The following TENM1 variants were observed in gnomAD, a reference collection of about 807,000 sequenced individuals.
TENM1 encodes teneurin-1.
TENM1 carries 35 observed loss-of-function variants against 174.8 expected under a neutral mutation model. The observed-to-expected ratio is 0.20, with a 90% CI of 0.15 to 0.27. The LOEUF is 0.27. TENM1 is among the 10% of genes least tolerant of loss of function. The pLI is 1.00. For synonymous variants in TENM1, 781 were observed against 798.7 expected (o/e 0.98, Z 0.37); for missense variants, 1,633 against 2,130.1 (o/e 0.77, Z 4.59).
chrX:124,422,768 G>T, intron 23 of TENM1, 130 bp from the exon 27 acceptor site: 1 of 608,827 alleles, frequency 1.6e-6, no homozygotes, highest in Non-Finnish European at 2.5e-6. Flanking sequence ...CATTGGTGAT[G>T]TCTCGGAAAG....
At chrX:124,545,321 G>C (rs1248094465) in intron 15 of TENM1, among the ~76,000 whole-genome samples, 1 of 112,191 alleles carries the variant, frequency 8.9e-6, no homozygotes, top group Non-Finnish European at 1.9e-5. Context: ...CGGCTGGCAA[G>C]TGCTGCTGAT....
chrX:124,623,014 G>C (rs757140057), intron 11 of TENM1, among the ~76,000 whole-genome samples: 2 of 111,691 alleles, frequency 1.8e-5, no homozygotes, highest in Non-Finnish European at 3.8e-5. Context: ...TAAGTGTTCA[G>C]TGTGCATATA....
chrX:124,733,765 G>A (rs772964784), intron 4 of TENM1, among the ~76,000 whole-genome samples: 9 of 112,294 alleles, frequency 8.0e-5, no homozygotes, highest in South Asian at 7.5e-4. Context: ...TCTTCTCTGC[G>A]TCTTAAGAAA....
intron 5 of TENM1, among the ~76,000 whole-genome samples, chrX:124,679,086 G>A (rs2052164930): frequency 8.9e-6 from 1 of 112,058 alleles, no homozygotes. Flanking sequence ...TTTGTTGCAA[G>A]AATTTTGGGT....
the TENM1 span, among the ~76,000 whole-genome samples, chrX:125,079,097 TATCA>T: frequency 8.9e-6 from 1 of 111,886 alleles, no homozygotes; most frequent in East Asian, 2.8e-4. Flanking sequence ...CTGCCTCTCA[TATCA>T]ATCAATCAAG....
intron 23 of TENM1, among the ~76,000 whole-genome samples, chrX:124,444,999 G>A (rs914934739): frequency 9.0e-6 from 1 of 111,190 alleles, no homozygotes; most frequent in Non-Finnish European, 1.9e-5. Flanking sequence ...TTGGTTGTGC[G>A]GCCTTAACCA....
At chrX:124,402,564 C>T (rs2060412121) in intron 27 of TENM1, among the ~76,000 whole-genome samples, 1 of 112,346 alleles carries the variant, frequency 8.9e-6, no homozygotes, top group African/African-American at 3.2e-5. Flanking sequence ...GTGTAAATTA[C>T]AGTTTATAGT....
intron 1 of TENM1, among the ~76,000 whole-genome samples, chrX:124,933,636 T>C (rs1171897509): frequency 8.9e-6 from 1 of 112,222 alleles, no homozygotes; most frequent in Non-Finnish European, 1.9e-5. Context: ...AAAATGTGCA[T>C]AAAACAAATT....
the TENM1 span, among the ~76,000 whole-genome samples, chrX:125,128,528 A>T: frequency 3.6e-5 from 4 of 111,608 alleles, no homozygotes; most frequent in Admixed American, 3.8e-4. Flanking sequence ...ATGTGACTAA[A>T]TTCTTGCTAA....
At chrX:124,428,878 T>C (rs144661253) in intron 23 of TENM1, among the ~76,000 whole-genome samples, 25 of 111,893 alleles carry the variant, frequency 2.2e-4, no homozygotes, top group African/African-American at 7.8e-4. Flanking sequence ...ACCTGCACTA[T>C]TATTGACTTA....
chrX:124,759,150 G>A (rs774435712), intron 3 of TENM1, among the ~76,000 whole-genome samples: 31 of 111,081 alleles, frequency 2.8e-4, no homozygotes, highest in African/African-American at 9.1e-4. Context: ...ATCACATGGC[G>A]ATAGTGTGAT....
intron 5 of TENM1, among the ~76,000 whole-genome samples, chrX:124,680,177 A>T (rs893528850): frequency 9.0e-6 from 1 of 111,701 alleles, no homozygotes; most frequent in African/African-American, 3.2e-5. Flanking sequence ...ATAACAGAGC[A>T]ATGAGGACAC....
At chrX:124,788,405 C>T (rs1175093428) in intron 3 of TENM1, among the ~76,000 whole-genome samples, 1 of 111,575 alleles carries the variant, frequency 9.0e-6, no homozygotes. Context: ...CATGCCTTCC[C>T]AACAGTCCCC....
intron 23 of TENM1, among the ~76,000 whole-genome samples, chrX:124,451,136 AAGTC>A (rs2061031048): frequency 8.9e-6 from 1 of 111,820 alleles, no homozygotes; most frequent in African/African-American, 3.3e-5. Flanking sequence ...CAGACTAAAA[AAGTC>A]AGACACTGAA....
chrX:125,124,329 T>C, the TENM1 span, among the ~76,000 whole-genome samples: 1 of 112,217 alleles, frequency 8.9e-6, no homozygotes, highest in African/African-American at 3.2e-5. Context: ...GAGAATTTAG[T>C]GACGTGCTTT....
intron 6 of TENM1, among the ~76,000 whole-genome samples, chrX:124,665,351 G>A (rs967815981): frequency 7.2e-5 from 8 of 111,243 alleles, no homozygotes; most frequent in Admixed American, 1.9e-4. Context: ...AAAAAAAAAA[G>A]AAAAGGTAAC....
chrX:124,611,613 G>C (rs1194076925), intron 11 of TENM1, among the ~76,000 whole-genome samples: 1 of 111,348 alleles, frequency 9.0e-6, no homozygotes, highest in Non-Finnish European at 1.9e-5. Flanking sequence ...TATCTTTATA[G>C]TAAAGATAAG....
intron 18 of TENM1, among the ~76,000 whole-genome samples, chrX:124,512,489 G>A (rs950645776): frequency 1.8e-5 from 2 of 111,246 alleles, no homozygotes; most frequent in African/African-American, 6.5e-5. Flanking sequence ...ACTAGTGACT[G>A]TGACTTTTGT....
At chrX:124,496,280 T>C (rs1317893645) in intron 20 of TENM1, among the ~76,000 whole-genome samples, 2 of 111,523 alleles carry the variant, frequency 1.8e-5, no homozygotes, top group Non-Finnish European at 3.8e-5. Context: ...GAAGCTTCCC[T>C]TTTCTATAAC....
Sources: gnomAD v4.1 joint callset for allele counts (sites outside exome capture counted in the v4.1 genomes callset) on GRCh38, gnomAD v4.1.1 for gene constraint, MANE v1.5 for transcripts, NCBI Gene and HGNC (gene_info 2026-07-23, HGNC 2026-07-21) for gene names.